TG: variants seen among roughly 807,000 people sequenced by gnomAD.
TG encodes thyroglobulin.
Under a neutral mutation model 324.7 loss-of-function variants are expected in TG, and 270 were observed. That is an observed-to-expected ratio of 0.83 (90% CI 0.75 to 0.92). The LOEUF (loss-of-function observed/expected upper bound fraction) is 0.92, where lower values mean the gene tolerates loss of function less well. Among genes scored for constraint, TG ranks in the 40% least tolerant of loss-of-function variants. The pLI, the probability that TG is intolerant of heterozygous loss-of-function variation, is 0.00. For missense variants in TG, 3,591 were observed against 3,456.4 expected, an observed-to-expected ratio of 1.04 and a Z score of -0.98; for synonymous variants, 1,401 against 1,327.0, an observed-to-expected ratio of 1.06 and a Z score of -1.21.
Position 132,898,913 on chromosome 8 carries a change from A to G in TG, c.3330+3A>G. Reference sequence around the variant, plus strand: ...TGTTCGTCCCAGCCTGCCTAGAAGTAAGGGTCTGGAAGCACAGGATTGGAG... The same window carrying G: ...TGTTCGTCCCAGCCTGCCTAGAAGTGAGGGTCTGGAAGCACAGGATTGGAG... On this transcript the variant is annotated splice_donor_region_variant and intron_variant, in intron 14 of 47. Transcript: ENST00000220616. 6.2e-7 allele frequency: 1 copy of G among 1,612,372 alleles called. No homozygotes were observed. Among genetic ancestry groups the G allele is most frequent in the Non-Finnish European group, 8.5e-7 (1 of 1,178,762 alleles).
At chr8:133,134,284 C>A (rs1410218372) in intron 47 of TG, among the ~76,000 whole-genome samples, 1 of 152,102 alleles carries the variant, frequency 6.6e-6, no homozygotes, top group African/African-American at 2.4e-5. Flanking sequence ...ACTCACTCCT[C>A]CCTGGAGGCT....
At chr8:133,002,333 A>G (rs1833598063) in intron 35 of TG, 2 of 985,246 alleles carry the variant, frequency 2.0e-6, no homozygotes, top group South Asian at 4.7e-5. Flanking sequence ...TTCTTCCATG[A>G]TGATTTAGTT....
chr8:133,081,011 G>A (rs1042113558), intron 41 of TG, among the ~76,000 whole-genome samples: 1 of 152,274 alleles, frequency 6.6e-6, no homozygotes, highest in African/African-American at 2.4e-5. Flanking sequence ...AGGATTTGAA[G>A]TACTTAGGAG....
At chr8:133,059,239 G>A in intron 41 of TG, 1 of 432,104 alleles carries the variant, frequency 2.3e-6, no homozygotes, top group Non-Finnish European at 4.7e-6. Context: ...CATGTAAGGT[G>A]GGAAGCAGAA....
intron 41 of TG, among the ~76,000 whole-genome samples, chr8:133,035,918 A>C (rs1837070272): frequency 6.6e-6 from 1 of 152,098 alleles, no homozygotes; most frequent in Non-Finnish European, 1.5e-5. Context: ...ATGGCTCCTC[A>C]TGTCTCCTGG....
rs1005703596 is a variant in TG, at chr8:132,887,381, A to G, written c.2009A>G (p.Gln670Arg). Residue 670 changes from glutamine (Q) to arginine (R), a missense_variant, in exon 9 of 48, where the codon CAA becomes CGA. Gln to Arg is a conservative substitution (Grantham distance 43). Transcript: ENST00000220616. ...TGTGAAAAGCAAAGGGCTCGCATGCAAAGCCTCATGGGCAGCCAGCCTGCT... is the reference window on the plus strand; with the variant it reads ...TGTGAAAAGCAAAGGGCTCGCATGCGAAGCCTCATGGGCAGCCAGCCTGCT... ...TDCEKQRARMQSLMGSQPAGS... is the reference protein window; with the variant it reads ...TDCEKQRARMRSLMGSQPAGS... 1 of 1,614,244 alleles carries G rather than the reference A, an allele frequency of 6.2e-7. No individual in the cohort carries two copies. The highest frequency in any genetic ancestry group is 1.7e-5 in the Admixed American group (1 of 60,030).
At chr8:132,897,603 A>T (rs1269707922) in intron 11 of TG, 46 bp from the exon 12 acceptor site, 1 of 1,613,384 alleles carries the variant, frequency 6.2e-7, no homozygotes, top group Non-Finnish European at 8.5e-7. Flanking sequence ...CAGAGCCCAC[A>T]CAGAGCAGGT....
At chr8:132,982,245 G>A (rs1806535) in intron 34 of TG, among the ~76,000 whole-genome samples, 88,060 of 151,928 alleles carry the variant, frequency 0.58, 26,806 homozygotes, top group African/African-American at 0.73. Flanking sequence ...CAGAAAAGTG[G>A]CAAACCAATC....
In TG at chr8:132,868,190, A is replaced by G. The variant is rs1478582021; in HGVS notation, c.143A>G (p.Tyr48Cys). ...ACGGCCTTTCTGAAGCAAGCAGACTACGTGCCCCAGTGTGCAGAGGATGGC... is the reference window on the plus strand; with the variant it reads ...ACGGCCTTTCTGAAGCAAGCAGACTGCGTGCCCCAGTGTGCAGAGGATGGC... ...RETAFLKQAD[Y>C]VPQCAEDGSF... The change falls in exon 2 of 48, where the codon TAC becomes TGC. Residue 48 changes from tyrosine (Y) to cysteine (C), a missense_variant. Coordinates refer to ENST00000220616, the MANE Select transcript of TG (RefSeq NM_003235.5). The G allele has an allele frequency of 1.2e-6, 2 of 1,614,158 alleles. No homozygotes were observed. Among genetic ancestry groups the G allele is most frequent in the East Asian group, 2.2e-5 (1 of 44,878 alleles).
intron 36 of TG, 146 bp downstream of exon 36, chr8:133,012,181 G>A: frequency 8.2e-7 from 1 of 1,224,972 alleles, no homozygotes; most frequent in Non-Finnish European, 1.2e-6. Flanking sequence ...AAGAAGACCT[G>A]GGTGAAGTCT....
intron 20 of TG, among the ~76,000 whole-genome samples, chr8:132,915,226 G>A (rs1820122180): frequency 6.6e-6 from 1 of 152,254 alleles, no homozygotes; most frequent in African/African-American, 2.4e-5. Context: ...CCTCAGGGGT[G>A]CCCTCTGCAG....
At chr8:133,085,361 A>C (rs1416833840) in intron 41 of TG, among the ~76,000 whole-genome samples, 2 of 152,264 alleles carry the variant, frequency 1.3e-5, no homozygotes, top group East Asian at 3.8e-4. Flanking sequence ...ATCGGATTTC[A>C]TCACAATTTA....
At chr8:133,075,323 G>A (rs1463469299) in intron 41 of TG, among the ~76,000 whole-genome samples, 1 of 152,160 alleles carries the variant, frequency 6.6e-6, no homozygotes, top group East Asian at 1.9e-4. Flanking sequence ...AAGAGCTGCA[G>A]CTTCTCTGAT....
intron 16 of TG, among the ~76,000 whole-genome samples, chr8:132,905,959 A>G (rs903712943): frequency 1.3e-5 from 2 of 152,042 alleles, no homozygotes; most frequent in African/African-American, 4.8e-5. Context: ...GGCATTGGGG[A>G]GCTGGAGGAG....
intron 34 of TG, among the ~76,000 whole-genome samples, chr8:132,978,874 C>T (rs542424335): frequency 6.6e-6 from 1 of 152,160 alleles, no homozygotes; most frequent in African/African-American, 2.4e-5. Flanking sequence ...AGTCTCCTAG[C>T]ATTCAGAAAG....
chr8:133,000,629 G>A (rs919757225), intron 35 of TG, among the ~76,000 whole-genome samples: 2 of 152,188 alleles, frequency 1.3e-5, no homozygotes, highest in African/African-American at 2.4e-5. Context: ...TGGATGGAAG[G>A]AGACAACACA....
At chr8:133,027,296 G>A (rs1355497048) in intron 40 of TG, among the ~76,000 whole-genome samples, 1 of 152,266 alleles carries the variant, frequency 6.6e-6, no homozygotes, top group Non-Finnish European at 1.5e-5. Flanking sequence ...GCAGACCAGG[G>A]CGGGTGGCAG....
At position 132,882,881 on chromosome 8, in the gene TG, C is replaced by T. The variant is rs116204144; in HGVS notation, c.957C>T (p.Cys319=). 81 of 1,614,236 alleles carry T rather than the reference C, an allele frequency of 5.0e-5. No homozygotes were observed. In the African/African-American group the frequency reaches 9.6e-4, roughly 19 times the overall value. Reference sequence around the variant, plus strand: ...TTGGTCACCCCTATGTTCCAAGCTGCCGCCGAAATGGCGACTATCAGGCGG... The same window carrying T: ...TTGGTCACCCCTATGTTCCAAGCTGTCGCCGAAATGGCGACTATCAGGCGG... The part of the protein sequence containing the change: ...TSFGHPYVPS[C]RRNGDYQAVQ... Residue 319 remains cysteine (C), a synonymous_variant, in exon 8 of 48, where the codon TGC becomes TGT. Transcript: ENST00000220616.
chr8:133,029,825 C>T lies in TG; in HGVS notation c.7041C>T (p.Ser2347=), dbSNP rs376401000. Residue 2347 remains serine (S), a synonymous_variant, in exon 41 of 48, where the codon TCC becomes TCT. Transcript: ENST00000220616. ...VGVFGFLSSG[S]GEVSGNWGLL... ...AGGCTTTCCTCTTTTCTGAAGGGTCCGGAGAGGTGAGTGGCAACTGGGGGC... is the reference window on the plus strand; with the variant it reads ...AGGCTTTCCTCTTTTCTGAAGGGTCTGGAGAGGTGAGTGGCAACTGGGGGC... The T allele has an allele frequency of 3.4e-5, 55 of 1,613,940 alleles. No individual in the cohort carries two copies. The highest frequency in any genetic ancestry group is 2.1e-5 in the Non-Finnish European group (25 of 1,179,932).
Sources: allele counts gnomAD v4.1 joint callset (sites outside exome capture counted in the v4.1 genomes callset), GRCh38; gene constraint gnomAD v4.1.1; transcripts MANE v1.5; gene names NCBI Gene and HGNC (gene_info 2026-07-23, HGNC 2026-07-21).